CEP295: variants seen among roughly 807,000 people sequenced by gnomAD.
CEP295 encodes centrosomal protein of 295 kDa.
A neutral mutation model predicts 291.6 loss-of-function variants in CEP295; 190 were observed. That is an observed-to-expected ratio of 0.65 (90% confidence interval 0.58 to 0.73). CEP295 has a LOEUF of 0.73. CEP295 is among the 30% of genes least tolerant of loss of function. CEP295 has a pLI of 0.00. For missense variants in CEP295, 2,863 were observed against 2,949.4 expected (o/e 0.97, Z 0.68); for synonymous variants, 993 against 1,038.8 (o/e 0.96, Z 0.85).
intron 18 of CEP295, among the ~76,000 whole-genome samples, chr11:93,714,496 G>A (rs1354759673): frequency 6.6e-6 from 1 of 152,182 alleles, no homozygotes; most frequent in Non-Finnish European, 1.5e-5. Context: ...TGTTCCACCC[G>A]CCTCGGCCTC....
intron 7 of CEP295, among the ~76,000 whole-genome samples, chr11:93,681,897 G>C (rs1236303087): frequency 6.6e-6 from 1 of 150,738 alleles, no homozygotes; most frequent in Non-Finnish European, 1.5e-5. Context: ...CACCTCTCCT[G>C]ATCATCTGTT....
In CEP295 at chr11:93,696,337, A is replaced by G. The variant is rs1393311212; in HGVS notation, c.1689A>G (p.Ala563=). Residue 563 remains alanine, a synonymous_variant, in exon 14 of 30, where the codon GCA becomes GCG. Transcript: ENST00000325212. ...TTTATTAGGTTGGCATTGCTCCAGC[A>G]TCATGCCCTGTAATTTCTGATGAAG... ...TQPTGVGIAP[A]SCPVISDEDS... 3 of 1,548,966 alleles carry G rather than the reference A, an allele frequency of 1.9e-6. No individual in the cohort carries two copies. Among genetic ancestry groups the G allele is most frequent in the East Asian group, 4.9e-5 (2 of 40,878 alleles).
At position 93,721,431 on chromosome 11, in the gene CEP295, T is replaced by A; in HGVS notation, c.5850+19T>A. Reference sequence around the variant, plus strand: ...TGATAAGGTTAGTAATGTCTTAATGTTCACTCGATTTTTAGAGCTGTTTGG... The same window carrying A: ...TGATAAGGTTAGTAATGTCTTAATGATCACTCGATTTTTAGAGCTGTTTGG... On this transcript the variant is annotated intron_variant, in intron 19 of 29. Transcript: ENST00000325212. 7.0e-7 allele frequency: 1 copy of A among 1,437,842 alleles called. No individual in the cohort carries two copies. Among genetic ancestry groups the A allele is most frequent in the Non-Finnish European group, 9.8e-7 (1 of 1,019,208 alleles). 89.1% of individuals were successfully genotyped at this position (1,437,842 alleles called of 1,614,324 possible).
chr11:93,698,281 T>A lies in CEP295; in HGVS notation c.3369T>A (p.Ile1123=). ...QASAKAEPRR[I]QELYLSEKEN... ...CTGCTAAAGCTGAGCCTAGGAGAAT[T>A]CAGGAGCTTTATTTATCTGAGAAGG... The change falls in exon 15 of 30, where the codon ATT becomes ATA. Residue 1123 remains isoleucine, a synonymous_variant. Transcript: ENST00000325212. 6.4e-7 allele frequency: 1 copy of A among 1,551,812 alleles called. No homozygotes were observed. Among genetic ancestry groups the A allele is most frequent in the Non-Finnish European group, 8.7e-7 (1 of 1,147,010 alleles).
chr11:93,721,971 T>G lies in CEP295; in HGVS notation c.5868T>G (p.Tyr1956Ter). ...ATTTCTAGGCTAAAACACTGTCTTA[T>G]GAACCATTATCTTCAGCAACTGTTT... ...KPDDKAKTLS[Y>*]EPLSSATVST... is the part of the protein sequence containing the mutation. Residue 1956 changes from tyrosine to a stop codon, truncating the protein, a stop_gained, in exon 20 of 30, where the codon TAT (tyrosine) becomes TAG (stop). Transcript: ENST00000325212. LOFTEE classifies it high-confidence loss of function. 1 of 1,605,590 alleles carries G rather than the reference T, an allele frequency of 6.2e-7. No individual in the cohort carries two copies. Among genetic ancestry groups the G allele is most frequent in the Non-Finnish European group, 8.5e-7 (1 of 1,174,530 alleles).
Position 93,706,706 on chromosome 11 carries a change from G to A in CEP295, c.5597-39G>A, listed in dbSNP as rs1215170682. On this transcript the variant is annotated intron_variant, in intron 17 of 29. Coordinates refer to ENST00000325212, the MANE Select transcript of CEP295 (RefSeq NM_033395.2). ...GGCACTTTAGTTCTAGCTATTAATAGTTCCAGAAATTGAAGTGGAAATATT... is the reference window on the plus strand; with the variant it reads ...GGCACTTTAGTTCTAGCTATTAATAATTCCAGAAATTGAAGTGGAAATATT... 3.4e-6 allele frequency: 5 copies of A among 1,481,232 alleles called. No homozygotes were observed. In the South Asian group the frequency reaches 5.5e-5, roughly 16 times the overall value. 91.8% of individuals were successfully genotyped at this position (1,481,232 alleles called of 1,614,324 possible).
chr11:93,726,701 T>C lies in CEP295; in HGVS notation c.6500-275T>C, dbSNP rs1954171062. On this transcript the variant is annotated intron_variant, in intron 23 of 29. Coordinates refer to ENST00000325212, the MANE Select transcript of CEP295 (RefSeq NM_033395.2). ...TTTATTCTCTTTTCTGTTATTAAAG[T>C]CATATTCAGTTCTTATAGAGGAAAA... is the stretch of plus-strand genomic sequence containing the variant. 3 of 281,572 alleles carry C rather than the reference T, an allele frequency of 1.1e-5. No individual in the cohort carries two copies. The Admixed American group carries it at 1.5e-4, about 14-fold the overall frequency. 17.4% of individuals were successfully genotyped at this position (281,572 alleles called of 1,614,324 possible). A position where few individuals can be genotyped will look rare whatever the true frequency, so the allele number is the denominator to read the frequency against.
chr11:93,713,652 G>A (rs570986891), intron 18 of CEP295, among the ~76,000 whole-genome samples: 1 of 152,168 alleles, frequency 6.6e-6, no homozygotes, highest in African/African-American at 2.4e-5. Context: ...TCTTCTTTGG[G>A]TTAAATCTGC....
chr11:93,667,624 A>G lies in CEP295; in HGVS notation c.126A>G (p.Arg42=), dbSNP rs1259922166. ...LRLLQVREQE[R]DIALQIREDI... is the part of the protein sequence containing the mutation. The stretch of plus-strand genomic sequence containing the variant: ...TTCTTTAGGTTCGAGAACAAGAAAG[A>G]GATATCGCCTTACAGATAAGAGAAG... The change falls in exon 3 of 30, where the codon AGA becomes AGG. Residue 42 remains arginine (R), a synonymous_variant. Transcript: ENST00000325212. 13 of 1,546,804 alleles carry G rather than the reference A, an allele frequency of 8.4e-6. No homozygotes were observed. The highest frequency in any genetic ancestry group is 2.8e-5 in the African/African-American group (2 of 72,702).
At position 93,699,427 on chromosome 11, in the gene CEP295, G is replaced by T; in HGVS notation, c.4515G>T (p.Leu1505Phe). 1 of 1,551,734 alleles carries T rather than the reference G, an allele frequency of 6.4e-7. No individual in the cohort carries two copies. The highest frequency in any genetic ancestry group is 8.7e-7 in the Non-Finnish European group (1 of 1,146,986). Residue 1505 changes from leucine (L) to phenylalanine (F), a missense_variant, in exon 15 of 30, where the codon TTG (leucine) becomes TTT (phenylalanine). Leu to Phe is a conservative substitution (Grantham distance 22). This residue lies in a region of CEP295 where 2,295 missense variants were observed against 2,335.7 expected (regional missense o/e 0.98). Transcript: ENST00000325212. ...TTATCCAGTCTCACCATGGTGATTTGCAGGCACTTCAACAGCAGTTAGATA... is the reference window on the plus strand; with the variant it reads ...TTATCCAGTCTCACCATGGTGATTTTCAGGCACTTCAACAGCAGTTAGATA... ...EHFIQSHHGD[L>F]QALQQQLDTQ...
intron 22 of CEP295, among the ~76,000 whole-genome samples, chr11:93,724,846 A>G (rs1403922001): frequency 6.6e-6 from 1 of 152,186 alleles, no homozygotes; most frequent in Non-Finnish European, 1.5e-5. Context: ...CCTATTGTCC[A>G]GACTACACCC....
At chr11:93,681,461 G>A (rs1950960797) in intron 7 of CEP295, among the ~76,000 whole-genome samples, 1 of 109,016 alleles carries the variant, frequency 9.2e-6, no homozygotes, top group Non-Finnish European at 1.7e-5. Flanking sequence ...TATCACTCAG[G>A]CGGGAGTGCA....
intron 6 of CEP295, among the ~76,000 whole-genome samples, chr11:93,678,959 T>C (rs1258792438): frequency 1.3e-5 from 2 of 152,096 alleles, no homozygotes; most frequent in African/African-American, 2.4e-5. Context: ...CGGGCTCAAG[T>C]GATTTTCCTG....
chr11:93,691,971 G>T lies in CEP295; in HGVS notation c.1474G>T (p.Val492Phe), dbSNP rs1241270452. The part of the protein sequence containing the change: ...LPITTVAQSS[V>F]LLHPQEAAAR... The stretch of plus-strand genomic sequence containing the variant: ...TATCACAACTGTAGCTCAGAGTTCA[G>T]TTCTACTTCATCCTCAAGAAGCAGC... The change falls in exon 12 of 30, where the codon GTT becomes TTT. Residue 492 changes from valine to phenylalanine, a missense_variant. Val to Phe is a conservative substitution (Grantham distance 50). This residue lies in a region of CEP295 where 554 missense variants were observed against 576.0 expected (regional missense o/e 0.96). Coordinates refer to ENST00000325212, the MANE Select transcript of CEP295 (RefSeq NM_033395.2). 6.5e-7 allele frequency: 1 copy of T among 1,546,798 alleles called. No homozygotes were observed. Among genetic ancestry groups the T allele is most frequent in the Non-Finnish European group, 8.8e-7 (1 of 1,142,814 alleles).
chr11:93,700,399 A>AT (rs1320398739), intron 15 of CEP295, among the ~76,000 whole-genome samples: 1 of 146,680 alleles, frequency 6.8e-6, no homozygotes, highest in Non-Finnish European at 1.5e-5. Context: ...AGTCCAATTA[A>AT]TTTTTTTAAA....
chr11:93,699,784 G>C lies in CEP295; in HGVS notation c.4872G>C (p.Leu1624=). 1 of 1,552,176 alleles carries C rather than the reference G, an allele frequency of 6.4e-7. No homozygotes were observed. The highest frequency in any genetic ancestry group is 1.2e-5 in the South Asian group (1 of 84,056). Residue 1624 remains leucine, a synonymous_variant, in exon 15 of 30, where the codon CTG becomes CTC. Transcript: ENST00000325212. ...CTTATGAGAAACCCCAGGAAGAACT[G>C]TCTTTAAACAAACAAAGAAAGTTGA... ...MYSYEKPQEE[L]SLNKQRKLNK...
At chr11:93,726,788 G>A (rs1004192486) in intron 23 of CEP295, 188 bp from the exon 24 acceptor site, 6 of 455,368 alleles carry the variant, frequency 1.3e-5, no homozygotes, top group Admixed American at 3.9e-5. Context: ...AAAAATACTT[G>A]GTGTGAGCTG....
intron 18 of CEP295, among the ~76,000 whole-genome samples, chr11:93,713,758 T>G (rs911382467): frequency 6.6e-6 from 1 of 152,226 alleles, no homozygotes; most frequent in Non-Finnish European, 1.5e-5. Context: ...ACTCTATCCC[T>G]GTCTCTCTAC....
intron 1 of CEP295, among the ~76,000 whole-genome samples, chr11:93,663,185 T>A (rs937604139): frequency 6.6e-6 from 1 of 152,356 alleles, no homozygotes; most frequent in Non-Finnish European, 1.5e-5. Context: ...CATGGGCTGC[T>A]CCTAGCCACT....
Sources: allele counts gnomAD v4.1 joint callset (sites outside exome capture counted in the v4.1 genomes callset), GRCh38; gene constraint gnomAD v4.1.1; regional missense constraint gnomAD v4.1.1; transcripts MANE v1.5; gene names NCBI Gene and HGNC (gene_info 2026-07-23, HGNC 2026-07-21).